Variants in TNFSF4 observed in about 807,000 individuals in gnomAD.
The protein encoded by TNFSF4 is TNF superfamily member 4, also known as tumor necrosis factor ligand superfamily member 4.
Under a neutral mutation model 7.3 loss-of-function variants are expected in TNFSF4, and 4 were observed. That is an observed-to-expected ratio of 0.55 (90% CI 0.27 to 1.25). The LOEUF is 1.25. TNFSF4 is among the 50% of genes most tolerant of loss of function. The probability of loss-of-function intolerance (pLI) is 0.12; values close to 1 mark genes in which losing one functional copy is unlikely to be tolerated. For missense variants in TNFSF4, 181 were observed against 208.8 expected, an observed-to-expected ratio of 0.87 and a Z score of 0.82; for synonymous variants, 76 against 83.7, an observed-to-expected ratio of 0.91 and a Z score of 0.50.
the TNFSF4 span, among the ~76,000 whole-genome samples, chr1:173,445,036 A>T: frequency 1.3e-5 from 2 of 152,228 alleles, no homozygotes; most frequent in Non-Finnish European, 2.9e-5. Flanking sequence ...ACTTCAAAGA[A>T]TAAAAGGATA....
At chr1:173,442,930 C>A in the TNFSF4 span, among the ~76,000 whole-genome samples, 1 of 152,106 alleles carries the variant, frequency 6.6e-6, no homozygotes, top group South Asian at 2.1e-4. Flanking sequence ...GGTGATCCAC[C>A]TGCCTCACCC....
the TNFSF4 span, among the ~76,000 whole-genome samples, chr1:173,421,573 A>G: frequency 2.0e-5 from 3 of 152,218 alleles, no homozygotes; most frequent in Non-Finnish European, 4.4e-5. Flanking sequence ...TCAACTAAAT[A>G]GAAGAAAAGC....
At chr1:173,377,080 T>C in the TNFSF4 span, among the ~76,000 whole-genome samples, 3 of 152,156 alleles carry the variant, frequency 2.0e-5, no homozygotes, top group African/African-American at 7.2e-5. Context: ...ACACCATCTT[T>C]AAAAACTGTA....
the TNFSF4 span, among the ~76,000 whole-genome samples, chr1:173,360,154 G>A: frequency 2.0e-5 from 3 of 152,240 alleles, no homozygotes; most frequent in Admixed American, 6.5e-5. Context: ...TACCCTTGGA[G>A]AGAGAACTAT....
the TNFSF4 span, among the ~76,000 whole-genome samples, chr1:173,291,488 A>C: frequency 1.3e-5 from 2 of 152,200 alleles, no homozygotes; most frequent in Non-Finnish European, 2.9e-5. Flanking sequence ...TCATTGGGAC[A>C]CAGTTAAAGC....
At chr1:173,399,118 C>T in the TNFSF4 span, among the ~76,000 whole-genome samples, 2 of 152,178 alleles carry the variant, frequency 1.3e-5, no homozygotes, top group African/African-American at 2.4e-5. Flanking sequence ...AGCACTCCAT[C>T]ATCAGACGGG....
the TNFSF4 span, chr1:173,363,007 C>T: frequency 2.6e-6 from 1 of 384,338 alleles, no homozygotes; most frequent in South Asian, 2.5e-5. Flanking sequence ...AAAATGCGGA[C>T]TTGCCTTATC....
the TNFSF4 span, among the ~76,000 whole-genome samples, chr1:173,293,498 C>A: frequency 6.6e-6 from 1 of 152,004 alleles, no homozygotes; most frequent in Non-Finnish European, 1.5e-5. Flanking sequence ...AATTTAAGAC[C>A]TGAAACTCTA....
chr1:173,187,656 T>G (rs1232458901), intron 2 of TNFSF4, among the ~76,000 whole-genome samples: 2 of 152,140 alleles, frequency 1.3e-5, no homozygotes, highest in Non-Finnish European at 2.9e-5. Flanking sequence ...GGAAGGTACT[T>G]TGGGAAGAGT....
chr1:173,343,471 G>C, the TNFSF4 span, among the ~76,000 whole-genome samples: 6 of 152,184 alleles, frequency 3.9e-5, no homozygotes, highest in Non-Finnish European at 8.8e-5. Context: ...GAGAAAAATA[G>C]AAATGGGAAA....
chr1:173,444,201 A>G, the TNFSF4 span, among the ~76,000 whole-genome samples: 5 of 152,042 alleles, frequency 3.3e-5, no homozygotes, highest in Admixed American at 6.6e-5. Flanking sequence ...CCTTTCTCCA[A>G]CACAGCAAGG....
At chr1:173,215,215 C>A in the TNFSF4 span, among the ~76,000 whole-genome samples, 3 of 152,144 alleles carry the variant, frequency 2.0e-5, no homozygotes, top group African/African-American at 7.2e-5. Flanking sequence ...AGAACCCTCA[C>A]CAGAACCCAA....
the TNFSF4 span, among the ~76,000 whole-genome samples, chr1:173,263,021 A>G: frequency 1.3e-5 from 2 of 152,220 alleles, no homozygotes; most frequent in Non-Finnish European, 2.9e-5. Flanking sequence ...CAAATCATGA[A>G]TGAACTCCCA....
At chr1:173,349,702 G>C in the TNFSF4 span, among the ~76,000 whole-genome samples, 1 of 152,178 alleles carries the variant, frequency 6.6e-6, no homozygotes, top group African/African-American at 2.4e-5. Flanking sequence ...TAAGATAAGA[G>C]AAAGTCTGGG....
At chr1:173,250,415 T>C in the TNFSF4 span, among the ~76,000 whole-genome samples, 1 of 152,126 alleles carries the variant, frequency 6.6e-6, no homozygotes, top group Non-Finnish European at 1.5e-5. Flanking sequence ...CTACCAGCCA[T>C]ACTGTCTTAT....
the TNFSF4 span, among the ~76,000 whole-genome samples, chr1:173,329,009 A>G: frequency 6.6e-6 from 1 of 152,244 alleles, no homozygotes; most frequent in Non-Finnish European, 1.5e-5. Context: ...TTTTTGTAAC[A>G]TTAAAATATT....
the TNFSF4 span, among the ~76,000 whole-genome samples, chr1:173,321,834 G>A: frequency 2.0e-5 from 3 of 152,158 alleles, no homozygotes; most frequent in Non-Finnish European, 4.4e-5. Flanking sequence ...GAGAGGATGT[G>A]GAGAAATAGG....
chr1:173,301,976 T>G, the TNFSF4 span, among the ~76,000 whole-genome samples: 5 of 151,866 alleles, frequency 3.3e-5, no homozygotes, highest in African/African-American at 7.2e-5. Context: ...TGTCAGTTAT[T>G]TTGATGTGTG....
chr1:173,365,090 GA>G, the TNFSF4 span, among the ~76,000 whole-genome samples: 96 of 134,106 alleles, frequency 7.2e-4, no homozygotes, highest in Non-Finnish European at 7.6e-4. Flanking sequence ...CTGTCACAGG[GA>G]AAAAAAAAAA....
Sources: gnomAD v4.1 joint callset for allele counts (sites outside exome capture counted in the v4.1 genomes callset) on GRCh38, gnomAD v4.1.1 for gene constraint, MANE v1.5 for transcripts, NCBI Gene and HGNC (gene_info 2026-07-23, HGNC 2026-07-21) for gene names.